TAFA5: variants seen among roughly 807,000 people sequenced by gnomAD.
The protein encoded by TAFA5 is chemokine-like protein TAFA-5.
A neutral mutation model predicts 15.3 loss-of-function variants in TAFA5; 6 were observed. That is an observed-to-expected ratio of 0.39 (90% CI 0.21 to 0.77). The LOEUF (loss-of-function observed/expected upper bound fraction) is 0.77, where lower values mean the gene tolerates loss of function less well. TAFA5 is among the 30% of genes least tolerant of loss of function. TAFA5 has a pLI of 0.41. For synonymous variants in TAFA5, 103 were observed against 80.7 expected (o/e 1.28, Z -1.48); for missense variants, 161 against 193.1 (o/e 0.83, Z 0.98).
At chr22:48,734,054 G>A (rs531742696) in intron 3 of TAFA5, among the ~76,000 whole-genome samples, 18 of 152,324 alleles carry the variant, frequency 1.2e-4, no homozygotes, top group African/African-American at 2.4e-4. Flanking sequence ...GGGAGCTACC[G>A]TACACAAAAA....
At chr22:48,600,476 T>G (rs1054333431) in intron 1 of TAFA5, among the ~76,000 whole-genome samples, 2 of 152,202 alleles carry the variant, frequency 1.3e-5, no homozygotes, top group African/African-American at 4.8e-5. Flanking sequence ...CTTTCCACTC[T>G]GTGTTCCGAA....
intron 1 of TAFA5, chr22:48,576,561 C>A: frequency 6.6e-7 from 1 of 1,506,364 alleles, no homozygotes; most frequent in Non-Finnish European, 8.9e-7. Flanking sequence ...ACGCGCAGTT[C>A]CTCAAAGAAG....
intron 1 of TAFA5, among the ~76,000 whole-genome samples, chr22:48,624,440 A>T (rs1175164205): frequency 6.6e-6 from 1 of 152,242 alleles, no homozygotes; most frequent in East Asian, 1.9e-4. Flanking sequence ...CTCCATGAGG[A>T]CACATCCACT....
At chr22:48,729,108 T>G (rs1206171818) in intron 3 of TAFA5, among the ~76,000 whole-genome samples, 2 of 151,920 alleles carry the variant, frequency 1.3e-5, no homozygotes, top group African/African-American at 4.8e-5. Flanking sequence ...TTAATATTCT[T>G]CAGTAAAATT....
At chr22:48,729,586 A>G (rs1026222009) in intron 3 of TAFA5, among the ~76,000 whole-genome samples, 10 of 147,986 alleles carry the variant, frequency 6.8e-5, no homozygotes, top group African/African-American at 2.4e-4. Context: ...TCACAAGTGT[A>G]TGTGGTATGT....
chr22:48,619,735 C>T (rs895052619), intron 1 of TAFA5, among the ~76,000 whole-genome samples: 2 of 152,222 alleles, frequency 1.3e-5, no homozygotes, highest in East Asian at 1.9e-4. Context: ...GCAGCATGGG[C>T]GTCACGCTGC....
Position 48,620,951 on chromosome 22 carries a change from A to T in TAFA5, c.113-25646A>T, listed in dbSNP as rs1012416871. Among the ~76,000 whole-genome samples, 18 of 94,498 alleles carry T rather than the reference A, an allele frequency of 1.9e-4. No individual in the cohort carries two copies. The Middle Eastern group carries it at 0.019, about 98-fold the overall frequency. 62.0% of individuals were successfully genotyped at this position (94,498 alleles called of 152,430 possible). On this transcript the variant is annotated intron_variant, in intron 1 of 3. Coordinates refer to ENST00000402357, the MANE Select transcript of TAFA5 (RefSeq NM_001082967.3). ...ATCCATCCCCCCACCCACCCTATCT[A>T]TCCACCCATCCACCTATCCTATTCA...
At chr22:48,637,180 G>A (rs1926480658) in intron 1 of TAFA5, among the ~76,000 whole-genome samples, 2 of 152,212 alleles carry the variant, frequency 1.3e-5, no homozygotes, top group South Asian at 2.1e-4. Context: ...GATGCCTGTG[G>A]GGGCCTCTTG....
At chr22:48,561,331 T>G (rs1166091355) in intron 1 of TAFA5, among the ~76,000 whole-genome samples, 1 of 152,146 alleles carries the variant, frequency 6.6e-6, no homozygotes, top group African/African-American at 2.4e-5. Flanking sequence ...GCAATGTTTC[T>G]GGGGCCCCTT....
intron 3 of TAFA5, among the ~76,000 whole-genome samples, chr22:48,744,052 C>G (rs1421807256): frequency 1.3e-5 from 2 of 152,220 alleles, no homozygotes; most frequent in Non-Finnish European, 2.9e-5. Context: ...TTGCGCCTGC[C>G]AAGGCTGTTC....
intron 1 of TAFA5, among the ~76,000 whole-genome samples, chr22:48,627,605 G>C (rs1926070583): frequency 6.6e-6 from 1 of 152,268 alleles, no homozygotes; most frequent in Non-Finnish European, 1.5e-5. Flanking sequence ...GGGGCGAGTA[G>C]CAGGATGGAA....
At chr22:48,549,423 G>C (rs528758772) in intron 1 of TAFA5, among the ~76,000 whole-genome samples, 4 of 152,346 alleles carry the variant, frequency 2.6e-5, no homozygotes, top group African/African-American at 7.2e-5. Flanking sequence ...TACTGGATCC[G>C]TGCTCTTCTG....
At chr22:48,557,686 A>G (rs1233642010) in intron 1 of TAFA5, among the ~76,000 whole-genome samples, 2 of 152,206 alleles carry the variant, frequency 1.3e-5, no homozygotes, top group African/African-American at 4.8e-5. Context: ...GGCCACTCGC[A>G]GGTGGGAGGG....
chr22:48,594,920 G>A (rs1924709067), intron 1 of TAFA5, among the ~76,000 whole-genome samples: 1 of 150,304 alleles, frequency 6.7e-6, no homozygotes, highest in African/African-American at 2.5e-5. Flanking sequence ...CCTTGGGACT[G>A]CCCCATGTCC....
chr22:48,548,139 C>T (rs927974733), intron 1 of TAFA5, among the ~76,000 whole-genome samples: 2 of 152,206 alleles, frequency 1.3e-5, no homozygotes, highest in African/African-American at 4.8e-5. Flanking sequence ...CCCGGGGGTG[C>T]CTGATGGGGA....
At position 48,707,108 on chromosome 22, in the gene TAFA5, G is replaced by A. The variant is rs192216462; in HGVS notation, c.263-609G>A. 5.3e-5 allele frequency among the ~76,000 whole-genome samples: 8 copies of A among 152,248 alleles called. No individual in the cohort carries two copies. In the East Asian group the frequency reaches 1.6e-3, roughly 30 times the overall value. On this transcript the variant is annotated intron_variant, in intron 2 of 3. Transcript: ENST00000402357. ...GGACTCACATCCTTTAATCTTGGAG[G>A]CTTGACATGGCTGGTGCTGGGCCGG...
chr22:48,562,347 C>T (rs1413024778), intron 1 of TAFA5, among the ~76,000 whole-genome samples: 1 of 152,182 alleles, frequency 6.6e-6, no homozygotes, highest in African/African-American at 2.4e-5. Flanking sequence ...ACCGCATTAG[C>T]CAGGATGGTC....
chr22:48,539,743 G>C (rs1922294635), intron 1 of TAFA5, among the ~76,000 whole-genome samples: 1 of 152,170 alleles, frequency 6.6e-6, no homozygotes, highest in Non-Finnish European at 1.5e-5. Context: ...TTTCAGGAGA[G>C]GGCTTAATAG....
At chr22:48,660,378 A>G (rs1302799619) in intron 2 of TAFA5, among the ~76,000 whole-genome samples, 1 of 152,148 alleles carries the variant, frequency 6.6e-6, no homozygotes, top group Non-Finnish European at 1.5e-5. Flanking sequence ...CATCTCGAGT[A>G]TGTTTGTGGT....
Sources: allele counts gnomAD v4.1 joint callset (sites outside exome capture counted in the v4.1 genomes callset), GRCh38; gene constraint gnomAD v4.1.1; transcripts MANE v1.5; gene names NCBI Gene and HGNC (gene_info 2026-07-23, HGNC 2026-07-21).